Variants in NXNL2 observed in about 807,000 individuals in gnomAD.
The protein encoded by NXNL2 is nucleoredoxin like 2.
A neutral mutation model predicts 11.1 loss-of-function variants in NXNL2; 7 were observed. The observed-to-expected ratio is 0.63, with a 90% CI of 0.36 to 1.18. NXNL2 has a LOEUF of 1.18. Ranked by LOEUF, NXNL2 falls within the 50% of genes most tolerant of loss-of-function variation. The pLI is 0.02. For synonymous variants in NXNL2, 109 were observed against 101.8 expected, an observed-to-expected ratio of 1.07 and a Z score of -0.42; for missense variants, 233 against 217.7, an observed-to-expected ratio of 1.07 and a Z score of -0.44.
At chr9:88,583,830 C>T (rs1830433959) in intron 1 of NXNL2, among the ~76,000 whole-genome samples, 1 of 152,164 alleles carries the variant, frequency 6.6e-6, no homozygotes, top group African/African-American at 2.4e-5. Flanking sequence ...CTTTTCTCTC[C>T]ACCATGTGAG....
intron 1 of NXNL2, among the ~76,000 whole-genome samples, chr9:88,567,350 C>A (rs1434760851): frequency 6.6e-6 from 1 of 152,090 alleles, no homozygotes; most frequent in Non-Finnish European, 1.5e-5. Context: ...TGTTGGCCAG[C>A]CTTGTCTCCA....
chr9:88,577,791 C>T (rs896645697), downstream of NXNL2, among the ~76,000 whole-genome samples: 3 of 152,176 alleles, frequency 2.0e-5, no homozygotes, highest in Non-Finnish European at 1.5e-5. Context: ...CATTTATAAG[C>T]CATATCGGGA....
At chr9:88,553,387 C>G (rs1304398516) in intron 1 of NXNL2, among the ~76,000 whole-genome samples, 2 of 151,862 alleles carry the variant, frequency 1.3e-5, no homozygotes, top group East Asian at 3.9e-4. Context: ...ACAAAAAACC[C>G]ATGCTTCTCC....
At chr9:88,550,229 A>G (rs1009631656) in intron 1 of NXNL2, among the ~76,000 whole-genome samples, 3 of 152,146 alleles carry the variant, frequency 2.0e-5, no homozygotes, top group South Asian at 2.1e-4. Flanking sequence ...CCATGATCCA[A>G]TCACCACCCA....
intron 1 of NXNL2, among the ~76,000 whole-genome samples, chr9:88,559,533 T>G (rs980919539): frequency 6.6e-6 from 1 of 152,218 alleles, no homozygotes. Context: ...GCACGTTCAC[T>G]TGCTCGACCT....
At chr9:88,538,367 C>T (rs1829673608) in intron 1 of NXNL2, 1 of 152,236 alleles carries the variant, frequency 6.6e-6, no homozygotes, top group South Asian at 2.1e-4. Context: ...GCAATGAGAA[C>T]AACTCAAAGA....
intron 1 of NXNL2, among the ~76,000 whole-genome samples, chr9:88,554,325 C>A (rs760857935): frequency 9.2e-5 from 14 of 152,204 alleles, no homozygotes; most frequent in Non-Finnish European, 1.3e-4. Context: ...CCTACCTCAG[C>A]CTCCTGAGTA....
intron 2 of NXNL2, among the ~76,000 whole-genome samples, chr9:88,571,719 C>A (rs1296134200): frequency 6.6e-6 from 1 of 152,124 alleles, no homozygotes; most frequent in Non-Finnish European, 1.5e-5. Context: ...GTGTAATTCA[C>A]CAAGAGCTTT....
At chr9:88,552,758 C>G (rs191477840) in intron 1 of NXNL2, among the ~76,000 whole-genome samples, 112 of 152,246 alleles carry the variant, frequency 7.4e-4, no homozygotes, top group African/African-American at 2.6e-3. Flanking sequence ...CATGAGCCAC[C>G]GCGCCCGGTG....
chr9:88,559,346 A>C (rs1362237419), intron 1 of NXNL2, among the ~76,000 whole-genome samples: 1 of 152,184 alleles, frequency 6.6e-6, no homozygotes, highest in East Asian at 1.9e-4. Context: ...ATAGGCACCC[A>C]TGATGCTGGG....
intron 2 of NXNL2, among the ~76,000 whole-genome samples, chr9:88,572,979 T>C (rs1243608115): frequency 1.3e-5 from 2 of 152,188 alleles, no homozygotes; most frequent in Non-Finnish European, 2.9e-5. Flanking sequence ...GCACCCTGTG[T>C]GGGCCTGGGT....
At chr9:88,570,643 A>G (rs919671188) in intron 1 of NXNL2, among the ~76,000 whole-genome samples, 4 of 152,184 alleles carry the variant, frequency 2.6e-5, no homozygotes, top group African/African-American at 9.6e-5. Flanking sequence ...GACTTCTTAA[A>G]AGGGCATCCA....
intron 1 of NXNL2, among the ~76,000 whole-genome samples, chr9:88,541,073 G>A (rs1829749989): frequency 6.9e-6 from 1 of 144,238 alleles, no homozygotes; most frequent in Non-Finnish European, 1.5e-5. Flanking sequence ...AGCCTCCCAA[G>A]TAGCTGAGCC....
At chr9:88,583,504 T>C (rs1164698709) in intron 1 of NXNL2, among the ~76,000 whole-genome samples, 2 of 152,216 alleles carry the variant, frequency 1.3e-5, no homozygotes, top group African/African-American at 2.4e-5. Flanking sequence ...CTGAGGGGTC[T>C]GACTGTTCAC....
At chr9:88,565,870 C>T (rs1352370768) in intron 1 of NXNL2, among the ~76,000 whole-genome samples, 1 of 152,108 alleles carries the variant, frequency 6.6e-6, no homozygotes, top group Non-Finnish European at 1.5e-5. Flanking sequence ...TAATAATAGC[C>T]ATTCTAACAA....
chr9:88,560,568 A>C (rs1364839531), intron 1 of NXNL2, among the ~76,000 whole-genome samples: 1 of 152,122 alleles, frequency 6.6e-6, no homozygotes, highest in African/African-American at 2.4e-5. Flanking sequence ...AAACAGAGAG[A>C]AGAGCATGCA....
intron 2 of NXNL2, among the ~76,000 whole-genome samples, chr9:88,572,056 C>A (rs904025617): frequency 6.6e-6 from 1 of 152,174 alleles, no homozygotes; most frequent in Non-Finnish European, 1.5e-5. Context: ...CCAGAGAAGG[C>A]GGTTTCTCCC....
downstream of NXNL2, among the ~76,000 whole-genome samples, chr9:88,548,339 C>CAAAAAAAAAAAAAAAAAAAAAAA (rs60796870): frequency 3.2e-5 from 1 of 31,022 alleles, no homozygotes; most frequent in Non-Finnish European, 5.5e-5. Context: ...GACTTTTTCT[C>CAAAAAAAAAAAAAAAAAAAAAAA]AAAAAAAAAA....
Position 88,535,194 on chromosome 9 carries a change from C to G in NXNL2, c.-241C>G. On this transcript the variant is annotated 5_prime_UTR_variant, in exon 1 of 2. Coordinates refer to ENST00000375854, the MANE Select transcript of NXNL2 (RefSeq NM_001161625.2). ...CCCGCTCCCAGAGGCGGGTGCCGCG[C>G]TGTCGCCCAGGTATCTGGGGTCTCT... 1 of 542,056 alleles carries G rather than the reference C, an allele frequency of 1.8e-6. No homozygotes were observed. The highest frequency in any genetic ancestry group is 2.5e-5 in the South Asian group (1 of 40,010). 33.6% of individuals were successfully genotyped at this position (542,056 alleles called of 1,614,324 possible). A position where few individuals can be genotyped will look rare whatever the true frequency, so the allele number is the denominator to read the frequency against.
Sources: gnomAD v4.1 joint callset for allele counts (sites outside exome capture counted in the v4.1 genomes callset) on GRCh38, gnomAD v4.1.1 for gene constraint, MANE v1.5 for transcripts, NCBI Gene and HGNC (gene_info 2026-07-23, HGNC 2026-07-21) for gene names.